Variants in KAZN observed in about 807,000 individuals in gnomAD.
KAZN encodes kazrin, periplakin interacting protein.
A neutral mutation model predicts 87.4 loss-of-function variants in KAZN; 40 were observed. The observed-to-expected ratio is 0.46, with a 90% CI of 0.36 to 0.60. KAZN has a LOEUF of 0.60. KAZN is among the 20% of genes least tolerant of loss of function. KAZN has a pLI of 0.00. For missense variants in KAZN, 898 were observed against 1,073.9 expected, an observed-to-expected ratio of 0.84 and a Z score of 2.29; for synonymous variants, 466 against 458.3, an observed-to-expected ratio of 1.02 and a Z score of -0.22.
intron 1 of KAZN, among the ~76,000 whole-genome samples, chr1:14,702,768 C>G (rs1642004776): frequency 6.6e-6 from 1 of 152,174 alleles, no homozygotes; most frequent in Admixed American, 6.5e-5. Context: ...TCGCCATGCT[C>G]TGTGAAAGTG....
intron 1 of KAZN, among the ~76,000 whole-genome samples, chr1:14,163,019 A>G (rs1043787633): frequency 4.0e-5 from 6 of 150,160 alleles, no homozygotes; most frequent in African/African-American, 7.4e-5. Context: ...CTTCTCTTCC[A>G]TTTTATTATT....
At chr1:14,991,270 G>T (rs185904622) in intron 2 of KAZN, among the ~76,000 whole-genome samples, 1 of 152,020 alleles carries the variant, frequency 6.6e-6, no homozygotes, top group Non-Finnish European at 1.5e-5. Context: ...CAGGAGAATC[G>T]CTTGAACCCG....
chr1:14,973,158 G>A (rs1056936171), intron 2 of KAZN, among the ~76,000 whole-genome samples: 19 of 152,046 alleles, frequency 1.2e-4, no homozygotes, highest in South Asian at 4.2e-4. Context: ...ATGCTGCACC[G>A]GTGCTAGTTT....
intron 1 of KAZN, among the ~76,000 whole-genome samples, chr1:14,640,647 C>G (rs1312785350): frequency 3.3e-5 from 5 of 152,188 alleles, no homozygotes; most frequent in Middle Eastern, 3.2e-3. Flanking sequence ...GGGATCCCAC[C>G]CTTTCCTTGC....
chr1:14,317,569 T>C (rs1447492732), intron 2 of KAZN, among the ~76,000 whole-genome samples: 1 of 152,014 alleles, frequency 6.6e-6, no homozygotes, highest in African/African-American at 2.4e-5. Context: ...TATTTTGCTA[T>C]GTGTTTTCTG....
rs1483180966 is a variant in KAZN at position 14,856,507 on chromosome 1, G to C, written c.227-104177G>C. On this transcript the variant is annotated intron_variant, in intron 1 of 14. Transcript: ENST00000376030. This position sits in a 1 kb window ranked among gnomAD's most constrained non-coding sequence, Gnocchi z 5.2. Reference sequence around the variant, plus strand: ...CTAAACACTTTTTTCCCTTTCAATTGTTCCCCAGGAAGGTCACATAAATGC... The same window carrying C: ...CTAAACACTTTTTTCCCTTTCAATTCTTCCCCAGGAAGGTCACATAAATGC... Among the ~76,000 whole-genome samples, 1 of 152,076 alleles carries C rather than the reference G, an allele frequency of 6.6e-6. No homozygotes were observed. Among genetic ancestry groups the C allele is most frequent in the Non-Finnish European group, 1.5e-5 (1 of 68,008 alleles).
Position 14,402,162 on chromosome 1 carries a change from T to C in KAZN, c.250-196821T>C, listed in dbSNP as rs961923466. 3.8e-4 allele frequency among the ~76,000 whole-genome samples: 57 copies of C among 151,118 alleles called. 1 individual carries two copies. Among genetic ancestry groups the C allele is most frequent in the Admixed American group, 3.7e-3 (56 of 15,156 alleles). ...CAAAAAGTCCAATGACTTTTAGTTC[T>C]AAAAATTTTAAACACAAAATTTACA... On this transcript the variant is annotated intron_variant, in intron 2 of 16. Coordinates refer to the KAZN transcript ENST00000636203.
At chr1:14,402,694 G>C (rs746766043) in intron 2 of KAZN, among the ~76,000 whole-genome samples, 3 of 151,860 alleles carry the variant, frequency 2.0e-5, no homozygotes, top group Non-Finnish European at 4.4e-5. Flanking sequence ...TTGTGAAAAA[G>C]AACAAAAAAG....
intron 1 of KAZN, among the ~76,000 whole-genome samples, chr1:14,108,928 A>G (rs1644438928): frequency 6.6e-6 from 1 of 152,212 alleles, no homozygotes; most frequent in African/African-American, 2.4e-5. Context: ...TGTGCTGCCT[A>G]TGCCATAGGA....
chr1:15,065,114 C>T (rs1392252927), intron 7 of KAZN, among the ~76,000 whole-genome samples: 1 of 143,720 alleles, frequency 7.0e-6, no homozygotes, highest in Non-Finnish European at 1.5e-5. Context: ...TCACCACAAC[C>T]TCCTCCTGGG....
chr1:14,461,687 C>T (rs1304188236), intron 2 of KAZN, among the ~76,000 whole-genome samples: 2 of 152,108 alleles, frequency 1.3e-5, no homozygotes, highest in African/African-American at 2.4e-5. Flanking sequence ...CCAGCACTGC[C>T]GAGAGGGGTG....
intron 1 of KAZN, among the ~76,000 whole-genome samples, chr1:14,728,475 A>G (rs553128132): frequency 5.2e-4 from 79 of 152,156 alleles, no homozygotes; most frequent in African/African-American, 1.8e-3. Flanking sequence ...GGAACCCTGA[A>G]TTAGTTAATT....
chr1:14,731,686 T>C (rs1196809028), intron 1 of KAZN, among the ~76,000 whole-genome samples: 4 of 152,204 alleles, frequency 2.6e-5, no homozygotes, highest in Non-Finnish European at 5.9e-5. Flanking sequence ...AGCTAGTGGG[T>C]AGCAGAGCCT....
At chr1:14,482,418 A>G (rs1458626969) in intron 2 of KAZN, among the ~76,000 whole-genome samples, 1 of 152,146 alleles carries the variant, frequency 6.6e-6, no homozygotes, top group East Asian at 1.9e-4. Context: ...GGTGATCTGG[A>G]GTCTGGCTGA....
intron 1 of KAZN, among the ~76,000 whole-genome samples, chr1:14,102,416 C>T (rs1199542928): frequency 6.6e-6 from 1 of 151,880 alleles, no homozygotes; most frequent in African/African-American, 2.4e-5. Context: ...CCATGGTGTC[C>T]ACCCATGTGA....
chr1:14,929,574 T>C (rs1299294328), intron 1 of KAZN, among the ~76,000 whole-genome samples: 2 of 152,182 alleles, frequency 1.3e-5, no homozygotes, highest in East Asian at 1.9e-4. Flanking sequence ...CACATTTGCA[T>C]GTAGACAGAT....
intron 2 of KAZN, among the ~76,000 whole-genome samples, chr1:14,384,800 G>T (rs1049377004): frequency 6.6e-6 from 1 of 151,764 alleles, no homozygotes; most frequent in Non-Finnish European, 1.5e-5. Flanking sequence ...GTCTCTGCCC[G>T]GCTTTGGTAT....
chr1:14,569,128 T>C (rs2148541364), intron 2 of KAZN, among the ~76,000 whole-genome samples: 1 of 152,304 alleles, frequency 6.6e-6, no homozygotes, highest in South Asian at 2.1e-4. Context: ...CCATTTATAG[T>C]TGTGTGAGGT....
chr1:14,182,208 T>A (rs898008270), intron 2 of KAZN, among the ~76,000 whole-genome samples: 1 of 152,188 alleles, frequency 6.6e-6, no homozygotes, highest in Non-Finnish European at 1.5e-5. Flanking sequence ...TAGAATGTTC[T>A]CCTTTAAATG....
Sources: allele counts gnomAD v4.1 joint callset (sites outside exome capture counted in the v4.1 genomes callset), GRCh38; gene constraint gnomAD v4.1.1; non-coding constraint Gnocchi (gnomAD v3.1); transcripts MANE v1.5; gene names NCBI Gene and HGNC (gene_info 2026-07-23, HGNC 2026-07-21).